The following NELL1 variants were observed in gnomAD, a reference collection of about 807,000 sequenced individuals.
NELL1 encodes the protein neural EGFL like 1.
Under a neutral mutation model 107.4 loss-of-function variants are expected in NELL1, and 76 were observed. That is an observed-to-expected ratio of 0.71 (90% CI 0.59 to 0.86). NELL1 has a LOEUF of 0.86. Among genes scored for constraint, NELL1 ranks in the 40% least tolerant of loss-of-function variants. NELL1 has a pLI of 0.00. For synonymous variants in NELL1, 353 were observed against 341.2 expected, an observed-to-expected ratio of 1.03 and a Z score of -0.38; for missense variants, 1,024 against 1,005.5, an observed-to-expected ratio of 1.02 and a Z score of -0.25.
At chr11:21,330,737 G>A (rs7947637) in intron 14 of NELL1, among the ~76,000 whole-genome samples, 98 of 151,870 alleles carry the variant, frequency 6.5e-4, no homozygotes, top group African/African-American at 2.3e-3. Context: ...ATTTTTTTGA[G>A]CTTCTTGGAT....
At chr11:20,967,609 G>A (rs190749568) in intron 12 of NELL1, among the ~76,000 whole-genome samples, 4 of 152,190 alleles carry the variant, frequency 2.6e-5, no homozygotes, top group Admixed American at 1.3e-4. Flanking sequence ...AGAAAGTCCT[G>A]TTAGCTTTAC....
At chr11:21,386,335 A>G (rs1377436777) in intron 15 of NELL1, among the ~76,000 whole-genome samples, 1 of 151,856 alleles carries the variant, frequency 6.6e-6, no homozygotes, top group Non-Finnish European at 1.5e-5. Context: ...ATAAATGAGG[A>G]CATGTTGGAT....
At chr11:21,199,049 G>A (rs201927270) in intron 13 of NELL1, among the ~76,000 whole-genome samples, 1 of 152,034 alleles carries the variant, frequency 6.6e-6, no homozygotes, top group East Asian at 1.9e-4. Context: ...AGTCAGTTTT[G>A]TATCTATTCT....
intron 13 of NELL1, among the ~76,000 whole-genome samples, chr11:21,199,712 T>C (rs998476097): frequency 3.3e-5 from 5 of 152,142 alleles, no homozygotes; most frequent in African/African-American, 7.2e-5. Context: ...GTTTGTTACA[T>C]AGGTATACAT....
intron 15 of NELL1, among the ~76,000 whole-genome samples, chr11:21,413,452 T>C (rs1852429554): frequency 1.3e-5 from 2 of 151,970 alleles, no homozygotes; most frequent in South Asian, 4.1e-4. Context: ...GAAAAAAAAG[T>C]GTGGCTGCTT....
At chr11:21,261,319 G>A (rs570998137) in intron 14 of NELL1, among the ~76,000 whole-genome samples, 22 of 151,594 alleles carry the variant, frequency 1.5e-4, no homozygotes, top group Non-Finnish European at 2.7e-4. Context: ...GTACCCATTA[G>A]TTATTTTTCC....
At chr11:21,093,081 A>G (rs1332927506) in intron 12 of NELL1, among the ~76,000 whole-genome samples, 3 of 152,156 alleles carry the variant, frequency 2.0e-5, no homozygotes, top group African/African-American at 7.2e-5. Flanking sequence ...CAGGGGTGGG[A>G]GGAGGAAAAG....
intron 12 of NELL1, among the ~76,000 whole-genome samples, chr11:21,047,962 G>A (rs1853397966): frequency 6.6e-6 from 1 of 152,128 alleles, no homozygotes; most frequent in Non-Finnish European, 1.5e-5. Context: ...AAGTCAGGGA[G>A]GCCCAGAGCT....
At chr11:21,318,531 A>G (rs1590832141) in intron 14 of NELL1, among the ~76,000 whole-genome samples, 1 of 152,046 alleles carries the variant, frequency 6.6e-6, no homozygotes, top group African/African-American at 2.4e-5. Flanking sequence ...TTCCGGCCCC[A>G]CTCGAGAACT....
At chr11:20,928,923 A>G (rs1009307177) in intron 9 of NELL1, among the ~76,000 whole-genome samples, 2 of 152,310 alleles carry the variant, frequency 1.3e-5, no homozygotes, top group East Asian at 3.9e-4. Flanking sequence ...GGCCTTTGTT[A>G]GGAACTTCCG....
chr11:21,207,243 A>G (rs967252798), intron 13 of NELL1, among the ~76,000 whole-genome samples: 4 of 152,162 alleles, frequency 2.6e-5, no homozygotes, highest in Non-Finnish European at 5.9e-5. Flanking sequence ...CTCTTTTGCT[A>G]ATCTTCCCAG....
At chr11:20,827,038 T>C (rs1156942228) in intron 3 of NELL1, among the ~76,000 whole-genome samples, 2 of 151,284 alleles carry the variant, frequency 1.3e-5, no homozygotes, top group African/African-American at 4.8e-5. Flanking sequence ...AGGTTTATGC[T>C]GGAATTGCCA....
intron 13 of NELL1, among the ~76,000 whole-genome samples, chr11:21,213,184 T>G (rs2133862919): frequency 6.6e-6 from 1 of 152,250 alleles, no homozygotes; most frequent in South Asian, 2.1e-4. Context: ...ATAGGATCTG[T>G]ATGCTTAACA....
intron 15 of NELL1, among the ~76,000 whole-genome samples, chr11:21,430,470 T>C (rs1476881383): frequency 1.3e-5 from 2 of 152,178 alleles, no homozygotes; most frequent in African/African-American, 4.8e-5. Flanking sequence ...TATCTAAAAA[T>C]CTCTATACCA....
chr11:21,477,892 AATT>A (rs1365259614), intron 15 of NELL1, among the ~76,000 whole-genome samples: 1 of 127,514 alleles, frequency 7.8e-6, no homozygotes, highest in African/African-American at 2.9e-5. Flanking sequence ...TAATAAATAA[AATT>A]ATAAAAATTA....
chr11:21,119,619 G>T (rs1161752235), intron 13 of NELL1, among the ~76,000 whole-genome samples: 1 of 152,044 alleles, frequency 6.6e-6, no homozygotes, highest in Non-Finnish European at 1.5e-5. Context: ...TTTGACCCTT[G>T]GGGGAGTTTT....
chr11:21,110,591 G>A (rs1056440908), intron 12 of NELL1, among the ~76,000 whole-genome samples: 1 of 152,098 alleles, frequency 6.6e-6, no homozygotes, highest in African/African-American at 2.4e-5. Flanking sequence ...GTGTTGACAA[G>A]GGTCCATGAC....
intron 14 of NELL1, among the ~76,000 whole-genome samples, chr11:21,336,943 G>C (rs1028672218): frequency 2.0e-5 from 3 of 151,980 alleles, no homozygotes; most frequent in South Asian, 2.1e-4. Context: ...TTGAATTTGA[G>C]ACCAATTTTG....
intron 17 of NELL1, among the ~76,000 whole-genome samples, chr11:21,566,720 A>G (rs1227740016): frequency 6.6e-6 from 1 of 151,824 alleles, no homozygotes; most frequent in African/African-American, 2.4e-5. Context: ...AGTGAGCTCC[A>G]TACTCTCCCC....
Sources: allele counts gnomAD v4.1 joint callset (sites outside exome capture counted in the v4.1 genomes callset), GRCh38; gene constraint gnomAD v4.1.1; transcripts MANE v1.5; gene names NCBI Gene and HGNC (gene_info 2026-07-23, HGNC 2026-07-21).